The following DCC variants were observed in gnomAD, a reference collection of about 807,000 sequenced individuals.
DCC encodes netrin receptor DCC.
In DCC, 58 loss-of-function variants were observed where a neutral mutation model predicts 172.5. The ratio of observed to expected loss-of-function variants is 0.34; its 90% confidence interval spans 0.27 to 0.42. The LOEUF (loss-of-function observed/expected upper bound fraction) is 0.42. Among genes scored for constraint, DCC ranks in the 10% least tolerant of loss-of-function variants. The pLI, the probability that DCC is intolerant of heterozygous loss-of-function variation, is 1.00. For missense variants in DCC, 1,740 were observed against 1,791.0 expected (o/e 0.97, Z 0.51); for synonymous variants, 709 against 644.5 (o/e 1.10, Z -1.52).
chr18:52,603,275 C>T (rs1480142291), intron 1 of DCC, among the ~76,000 whole-genome samples: 2 of 151,956 alleles, frequency 1.3e-5, no homozygotes, highest in African/African-American at 2.4e-5. Context: ...TGGTTCTAGT[C>T]CCAAATCTAG....
At position 53,179,044 on chromosome 18, in the gene DCC, C is replaced by T. The variant is rs1406742141; in HGVS notation, c.1501C>T (p.Arg501Ter). The T allele has an allele frequency of 6.2e-7, 1 of 1,613,986 alleles. No individual in the cohort carries two copies. Among genetic ancestry groups the T allele is most frequent in the Non-Finnish European group, 8.5e-7 (1 of 1,179,930 alleles). ...NLKPEAMYTF[R>*]VVAYNEWGPG... ...GAAGCCAGAAGCCATGTACACCTTT[C>T]GAGTTGTGGCTTACAATGAATGGGG... The change falls in exon 9 of 29, where the codon CGA (arginine) becomes TGA (stop). Residue 501 changes from arginine (R) to a stop codon, truncating the protein, a stop_gained. Coordinates refer to ENST00000442544, the MANE Select transcript of DCC (RefSeq NM_005215.4). LOFTEE classifies it high-confidence loss of function.
chr18:53,290,453 C>T (rs73463062), intron 12 of DCC, among the ~76,000 whole-genome samples: 4 of 152,134 alleles, frequency 2.6e-5, no homozygotes, highest in Non-Finnish European at 5.9e-5. Flanking sequence ...TCTGTAATTA[C>T]TGTACATTGT....
intron 23 of DCC, among the ~76,000 whole-genome samples, chr18:53,458,588 A>C (rs564231399): frequency 6.6e-6 from 1 of 152,376 alleles, no homozygotes; most frequent in Admixed American, 6.5e-5. Flanking sequence ...GAGGCAAATA[A>C]GAAACATGTG....
intron 7 of DCC, among the ~76,000 whole-genome samples, chr18:53,135,034 C>A (rs2043718874): frequency 1.3e-5 from 2 of 152,202 alleles, no homozygotes; most frequent in African/African-American, 2.4e-5. Flanking sequence ...CCAATAGGAA[C>A]CTATAATTGC....
intron 28 of DCC, chr18:53,527,037 A>T: frequency 2.2e-6 from 1 of 447,640 alleles, no homozygotes; most frequent in South Asian, 2.1e-5. Context: ...GTGTGGTTTT[A>T]CACCCATATA....
At chr18:52,373,519 A>G (rs1054428390) in intron 1 of DCC, among the ~76,000 whole-genome samples, 1 of 152,178 alleles carries the variant, frequency 6.6e-6, no homozygotes, top group Non-Finnish European at 1.5e-5. Flanking sequence ...TTCTTCTGTG[A>G]CATGTATACC....
chr18:52,685,275 A>G (rs1568040647), intron 1 of DCC, among the ~76,000 whole-genome samples: 2 of 152,034 alleles, frequency 1.3e-5, no homozygotes, highest in South Asian at 4.1e-4. Context: ...TCTCTGGTAA[A>G]TATTTACAAT....
At chr18:52,464,505 C>T (rs955983796) in intron 1 of DCC, among the ~76,000 whole-genome samples, 1 of 152,160 alleles carries the variant, frequency 6.6e-6, no homozygotes, top group East Asian at 1.9e-4. Flanking sequence ...TGGTGACTTT[C>T]CCATCAGATC....
At chr18:52,412,719 C>T (rs1986884657) in intron 1 of DCC, among the ~76,000 whole-genome samples, 1 of 152,126 alleles carries the variant, frequency 6.6e-6, no homozygotes, top group South Asian at 2.1e-4. Context: ...CTTTCTCATT[C>T]TGATGGCATC....
At chr18:53,169,530 C>G (rs1190279402) in intron 8 of DCC, among the ~76,000 whole-genome samples, 1 of 152,140 alleles carries the variant, frequency 6.6e-6, no homozygotes, top group Non-Finnish European at 1.5e-5. Flanking sequence ...TTTGGCTTAA[C>G]TCCACCACAC....
intron 1 of DCC, among the ~76,000 whole-genome samples, chr18:52,643,957 G>GT (rs200721859): frequency 0.28 from 13,526 of 48,226 alleles, 866 homozygotes; most frequent in South Asian, 0.5. Flanking sequence ...ACAGTATTTT[G>GT]GTTTTTTTTT....
At chr18:53,216,433 G>T (rs1461194404) in intron 12 of DCC, among the ~76,000 whole-genome samples, 2 of 152,142 alleles carry the variant, frequency 1.3e-5, no homozygotes, top group African/African-American at 4.8e-5. Flanking sequence ...CATACTCTGG[G>T]TTTTAAATCT....
intron 1 of DCC, among the ~76,000 whole-genome samples, chr18:52,515,625 A>AAAAAAAAAAAAAAAAAAAAAAAAAAAAC (rs2031609263): frequency 1.4e-5 from 2 of 142,010 alleles, no homozygotes; most frequent in Admixed American, 1.4e-4. Flanking sequence ...AAAAAAAAAA[A>AAAAAAAAAAAAAAAAAAAAAAAAAAAAC]ATCATACAGG....
At chr18:53,080,826 G>T (rs898096208) in intron 7 of DCC, among the ~76,000 whole-genome samples, 4 of 152,078 alleles carry the variant, frequency 2.6e-5, no homozygotes, top group Non-Finnish European at 4.4e-5. Context: ...TGGCATTGCT[G>T]ATGGTAATGA....
At chr18:52,394,405 A>G (rs77970245) in intron 1 of DCC, among the ~76,000 whole-genome samples, 1,923 of 151,746 alleles carry the variant, frequency 0.013, 38 homozygotes, top group African/African-American at 0.044. Context: ...AGCTAGGACC[A>G]CACGTGTGCT....
intron 15 of DCC, among the ~76,000 whole-genome samples, chr18:53,378,684 C>CAGAA (rs1907492476): frequency 6.6e-6 from 1 of 152,164 alleles, no homozygotes; most frequent in African/African-American, 2.4e-5. Context: ...AGCACTGAAA[C>CAGAA]ATTTCTCACT....
At chr18:53,344,591 G>A (rs911049529) in intron 15 of DCC, among the ~76,000 whole-genome samples, 7 of 151,312 alleles carry the variant, frequency 4.6e-5, no homozygotes, top group South Asian at 4.2e-4. Context: ...ACAAGCGTGC[G>A]CCATCGTGCC....
chr18:53,018,013 T>A (rs1045226581), intron 5 of DCC, among the ~76,000 whole-genome samples: 10 of 152,196 alleles, frequency 6.6e-5, no homozygotes, highest in Non-Finnish European at 1.3e-4. Flanking sequence ...ATGTACATAA[T>A]CTTGTCTTGA....
chr18:53,216,045 A>G (rs1385518306), intron 12 of DCC, among the ~76,000 whole-genome samples: 1 of 152,228 alleles, frequency 6.6e-6, no homozygotes, highest in Non-Finnish European at 1.5e-5. Flanking sequence ...TTATAAATGT[A>G]GTCATTGAAG....
Sources: allele counts gnomAD v4.1 joint callset (sites outside exome capture counted in the v4.1 genomes callset), GRCh38; gene constraint gnomAD v4.1.1; transcripts MANE v1.5; gene names NCBI Gene and HGNC (gene_info 2026-07-23, HGNC 2026-07-21).